DPP10: variants seen among roughly 807,000 people sequenced by gnomAD.
DPP10 encodes the protein inactive dipeptidyl peptidase 10.
In DPP10, 33 loss-of-function variants were observed where a neutral mutation model predicts 120.9. That is an observed-to-expected ratio of 0.27 (90% CI 0.21 to 0.37). The LOEUF is 0.37. Among genes scored for constraint, DPP10 ranks in the 10% least tolerant of loss-of-function variants. The pLI is 1.00. For missense variants in DPP10, 816 were observed against 942.8 expected (o/e 0.87, Z 1.76); for synonymous variants, 337 against 326.1 (o/e 1.03, Z -0.36).
At chr2:115,791,906 A>T (rs1024871628) in intron 19 of DPP10, among the ~76,000 whole-genome samples, 1 of 152,166 alleles carries the variant, frequency 6.6e-6, no homozygotes, top group African/African-American at 2.4e-5. Context: ...TCTAATGCGT[A>T]ACTAACTTGA....
intron 5 of DPP10, among the ~76,000 whole-genome samples, chr2:115,643,019 A>C (rs1014399254): frequency 3.9e-5 from 6 of 152,174 alleles, no homozygotes; most frequent in Non-Finnish European, 8.8e-5. Flanking sequence ...ATGGTAAGTA[A>C]TATCTCATGC....
intron 1 of DPP10, among the ~76,000 whole-genome samples, chr2:115,043,698 C>T (rs1704843926): frequency 6.6e-6 from 1 of 152,052 alleles, no homozygotes; most frequent in South Asian, 2.1e-4. Context: ...AGGAAAAAAG[C>T]TAAAGAATAT....
chr2:115,121,916 A>G (rs1401342514), intron 1 of DPP10, among the ~76,000 whole-genome samples: 1 of 152,226 alleles, frequency 6.6e-6, no homozygotes, highest in Non-Finnish European at 1.5e-5. Flanking sequence ...ACAGTATTAC[A>G]AAGGAAAACT....
At chr2:115,233,749 G>T (rs564142601) in intron 1 of DPP10, among the ~76,000 whole-genome samples, 6 of 152,248 alleles carry the variant, frequency 3.9e-5, no homozygotes, top group Middle Eastern at 6.8e-3. Context: ...CCTCTTGTGG[G>T]CGTGGACAGG....
rs1559458580 is a variant in DPP10, at chr2:115,343,912, G to A, written c.271G>A (p.Asp91Asn). ...CGATCCAGAGGCTCGGTGGATCAAT[G>A]GTAAGTGTATACCTTTTTAAACATT... The part of the protein sequence containing the change: ...LHDPEARWIN[D>N]TDVVYKSENG... The change falls in exon 3 of 26, where the codon GAT becomes AAT. Residue 91 changes from aspartate (D) to asparagine (N), a missense_variant and splice_region_variant. Physicochemically the swap from Asp to Asn is conservative, Grantham distance 23. This residue lies in a region of DPP10 where 182 missense variants were observed against 207.4 expected (regional missense o/e 0.88). Coordinates refer to ENST00000410059, the MANE Select transcript of DPP10 (RefSeq NM_020868.6). 6.2e-7 allele frequency: 1 copy of A among 1,606,468 alleles called. No individual in the cohort carries two copies. The highest frequency in any genetic ancestry group is 1.3e-5 in the African/African-American group (1 of 74,598).
In DPP10 at chr2:114,724,757, A is replaced by C. The variant is rs74873502; in HGVS notation, c.60+281919A>C. ...TAAAGTCTGGAGTTGCTTAAGAGGA[A>C]AGAATGTTTGAAGGCCACTCCCCTG... On this transcript the variant is annotated intron_variant, in intron 1 of 25. Transcript: ENST00000410059. Among the ~76,000 whole-genome samples, 436 of 152,262 alleles carry C rather than the reference A, an allele frequency of 2.9e-3. 1 individual carries two copies. The highest frequency in any genetic ancestry group is 9.8e-3 in the African/African-American group (407 of 41,548).
chr2:114,703,791 T>G (rs1209679215), intron 1 of DPP10, among the ~76,000 whole-genome samples: 6 of 152,168 alleles, frequency 3.9e-5, no homozygotes. Context: ...GCTGGGTTAA[T>G]AGGAGCATTT....
chr2:115,192,783 A>T (rs896965614), intron 1 of DPP10, among the ~76,000 whole-genome samples: 3 of 151,908 alleles, frequency 2.0e-5, no homozygotes, highest in African/African-American at 7.2e-5. Flanking sequence ...ATTTTTATAG[A>T]CTCTTTTTAA....
At chr2:114,777,399 T>TAGA (rs1553425326) in intron 1 of DPP10, among the ~76,000 whole-genome samples, 16 of 150,852 alleles carry the variant, frequency 1.1e-4, no homozygotes, top group Non-Finnish European at 2.2e-4. Flanking sequence ...AAGAGGGTTT[T>TAGA]CAGGGCCCTT....
At chr2:114,780,231 G>T (rs1397872914) in intron 1 of DPP10, among the ~76,000 whole-genome samples, 6 of 152,146 alleles carry the variant, frequency 3.9e-5, no homozygotes, top group Non-Finnish European at 4.4e-5. Flanking sequence ...AGACAAAACT[G>T]TTGTGATGAT....
chr2:115,122,639 A>G (rs2049882640), intron 1 of DPP10, among the ~76,000 whole-genome samples: 1 of 152,264 alleles, frequency 6.6e-6, no homozygotes, highest in South Asian at 2.1e-4. Context: ...CTGTGGACAT[A>G]TAAATAACAA....
intron 3 of DPP10, among the ~76,000 whole-genome samples, chr2:115,356,190 A>G (rs1454675144): frequency 6.6e-6 from 1 of 152,186 alleles, no homozygotes; most frequent in East Asian, 1.9e-4. Flanking sequence ...GTCCATGAGC[A>G]TGGAATGTTT....
intron 1 of DPP10, among the ~76,000 whole-genome samples, chr2:114,975,038 T>C (rs1234396154): frequency 6.6e-6 from 1 of 151,490 alleles, no homozygotes; most frequent in Non-Finnish European, 1.5e-5. Flanking sequence ...TCTAGAAGGA[T>C]TTGCTTTTTT....
intron 1 of DPP10, among the ~76,000 whole-genome samples, chr2:115,110,567 A>G (rs1316835707): frequency 1.3e-5 from 2 of 151,958 alleles, no homozygotes; most frequent in Non-Finnish European, 2.9e-5. Context: ...TAGTTTTTTG[A>G]TGTGTGCTAT....
intron 1 of DPP10, among the ~76,000 whole-genome samples, chr2:114,840,678 T>G (rs900667737): frequency 1.3e-5 from 2 of 152,208 alleles, no homozygotes; most frequent in Non-Finnish European, 2.9e-5. Flanking sequence ...AGAAGTTGAC[T>G]GTTGTACTGC....
Position 115,163,792 on chromosome 2 carries a change from G to C in DPP10, c.61-145447G>C, listed in dbSNP as rs558707816. ...AACCTGTGACACCAGCTGGTTACTT[G>C]AGGCGCTGCAAACAGTTCAGTGATG... On this transcript the variant is annotated intron_variant, in intron 1 of 25. Coordinates refer to ENST00000410059, the MANE Select transcript of DPP10 (RefSeq NM_020868.6). Among the ~76,000 whole-genome samples the C allele has an allele frequency of 7.2e-4, 110 of 152,298 alleles. 2 individuals carry two copies. The highest frequency in any genetic ancestry group is 2.4e-3 in the African/African-American group (98 of 41,568).
intron 1 of DPP10, among the ~76,000 whole-genome samples, chr2:114,929,154 G>A (rs1483844726): frequency 2.0e-5 from 3 of 152,136 alleles, no homozygotes; most frequent in African/African-American, 7.2e-5. Context: ...CAAACAGGGA[G>A]TAAGTCACAA....
At chr2:114,858,291 C>T (rs986492933) in intron 1 of DPP10, among the ~76,000 whole-genome samples, 2 of 152,170 alleles carry the variant, frequency 1.3e-5, no homozygotes, top group Non-Finnish European at 2.9e-5. Flanking sequence ...GCCCCGCCGC[C>T]GCTTGGCGTT....
chr2:115,218,103 CAT>C (rs1210538607), intron 1 of DPP10, among the ~76,000 whole-genome samples: 1 of 152,258 alleles, frequency 6.6e-6, no homozygotes, highest in East Asian at 1.9e-4. Context: ...ATTCAGTAAA[CAT>C]GTGTTAAGCT....
Sources: allele counts gnomAD v4.1 joint callset (sites outside exome capture counted in the v4.1 genomes callset), GRCh38; gene constraint gnomAD v4.1.1; regional missense constraint gnomAD v4.1.1; transcripts MANE v1.5; gene names NCBI Gene and HGNC (gene_info 2026-07-23, HGNC 2026-07-21).